The following ZC3HAV1 variants were observed in gnomAD, a reference collection of about 807,000 sequenced individuals.
ZC3HAV1 encodes the protein zinc finger CCCH-type containing, antiviral 1.
ZC3HAV1 carries 41 observed loss-of-function variants against 86.6 expected under a neutral mutation model. The ratio of observed to expected loss-of-function variants is 0.47; its 90% CI spans 0.37 to 0.61. The LOEUF is 0.61. Ranked by LOEUF, ZC3HAV1 falls within the 20% of genes least tolerant of loss-of-function variation. ZC3HAV1 has a pLI of 0.00. For missense variants in ZC3HAV1, 964 were observed against 1,141.1 expected, an observed-to-expected ratio of 0.84 and a Z score of 2.24; for synonymous variants, 421 against 432.1, an observed-to-expected ratio of 0.97 and a Z score of 0.32.
At chr7:139,102,443 T>G (rs1369382621) in intron 1 of ZC3HAV1, among the ~76,000 whole-genome samples, 1 of 152,148 alleles carries the variant, frequency 6.6e-6, no homozygotes, top group Non-Finnish European at 1.5e-5. Flanking sequence ...ATTTTAATAA[T>G]AAGAAGATCA....
chr7:139,047,509 AAACTTT>A lies in ZC3HAV1; in HGVS notation c.*79_*84del. 1 of 1,570,976 alleles carries A rather than the reference AAACTTT, an allele frequency of 6.4e-7. No homozygotes were observed. The highest frequency in any genetic ancestry group is 1.2e-5 in the South Asian group (1 of 85,088). ...TTAGATAACTGAGCAGGAAAATATA[AAACTTT>A]AACTCCTGTCTGCGGCAATTTAGTT... On this transcript the variant is annotated 3_prime_UTR_variant, in exon 13 of 13. Coordinates refer to ENST00000242351, the MANE Select transcript of ZC3HAV1 (RefSeq NM_020119.4).
intron 6 of ZC3HAV1, 142 bp downstream of exon 6, chr7:139,076,144 A>G (rs1361898438): frequency 7.2e-7 from 1 of 1,385,112 alleles, no homozygotes; most frequent in Non-Finnish European, 9.8e-7. Context: ...GGCATTTGCC[A>G]TTTTTTATCT....
chr7:139,047,624 A>G lies in ZC3HAV1; in HGVS notation c.2679T>C (p.Tyr893=), dbSNP rs951886175. ...DQVYPQYVIE[Y]TEDKACVIS is the part of the protein sequence containing the mutation. Reference sequence around the variant, plus strand: ...TAATCACGCAGGCTTTGTCTTCAGTATATTCAATCACATATTGTGGGTAAA... The same window carrying G: ...TAATCACGCAGGCTTTGTCTTCAGTGTATTCAATCACATATTGTGGGTAAA... The change falls in exon 13 of 13, where the codon TAT becomes TAC. Residue 893 remains tyrosine, a synonymous_variant. Transcript: ENST00000242351. 13 of 1,614,084 alleles carry G rather than the reference A, an allele frequency of 8.1e-6. No individual in the cohort carries two copies. The East Asian group carries it at 2.9e-4, about 36-fold the overall frequency.
Position 139,079,566 on chromosome 7 carries a change from A to G in ZC3HAV1, c.1375T>C (p.Ser459Pro). The G allele has an allele frequency of 6.2e-7, 1 of 1,614,178 alleles. No individual in the cohort carries two copies. Among genetic ancestry groups the G allele is most frequent in the Non-Finnish European group, 8.5e-7 (1 of 1,180,036 alleles). The change falls in exon 4 of 13, where the codon TCA becomes CCA. Residue 459 changes from serine to proline, a missense_variant. Transcript: ENST00000242351. Reference sequence around the variant, plus strand: ...GGTCCAGCATCCTGAATCCTAGGTGATGATATTTCTCTGTGACCGCTGCTA... The same window carrying G: ...GGTCCAGCATCCTGAATCCTAGGTGGTGATATTTCTCTGTGACCGCTGCTA... ...STSSGHREIS[S>P]PRIQDAGPAS...
rs1817710270 is a variant in ZC3HAV1, at chr7:139,100,244, A to G, written c.308+8780T>C. Among the ~76,000 whole-genome samples the G allele has an allele frequency of 3.9e-5, 6 of 152,042 alleles. No individual in the cohort carries two copies. The South Asian group carries it at 1.2e-3, about 32-fold the overall frequency. On this transcript the variant is annotated intron_variant, in intron 1 of 12. Transcript: ENST00000242351. ...AGAATATATAAAGAATTAAAACCACAATGAGGGCTGGGCGCGGTGGCTCAC... is the reference window on the plus strand; with the variant it reads ...AGAATATATAAAGAATTAAAACCACGATGAGGGCTGGGCGCGGTGGCTCAC...
chr7:139,051,609 A>G (rs34625081), intron 12 of ZC3HAV1, among the ~76,000 whole-genome samples: 1,993 of 152,254 alleles, frequency 0.013, 32 homozygotes, highest in African/African-American at 0.046. Flanking sequence ...ACAAAAAATT[A>G]GATAAGGTCT....
chr7:139,097,428 ATTTTT>A (rs11291842), intron 1 of ZC3HAV1, among the ~76,000 whole-genome samples: 5 of 48,158 alleles, frequency 1.0e-4, no homozygotes, highest in African/African-American at 3.4e-4. Context: ...ATATATATAT[ATTTTT>A]TTTTTTTTTT....
At chr7:139,053,417 T>A (rs1179089252) in intron 12 of ZC3HAV1, 34 bp downstream of exon 12, 3 of 1,537,702 alleles carry the variant, frequency 2.0e-6, no homozygotes, top group African/African-American at 2.8e-5. Flanking sequence ...GAGTTATGAC[T>A]CTACTAGTTA....
At chr7:139,047,909 T>C (rs1816008288) in intron 12 of ZC3HAV1, 56 bp from the exon 13 acceptor site, 6 of 1,555,280 alleles carry the variant, frequency 3.9e-6, no homozygotes, top group Non-Finnish European at 4.3e-6. Flanking sequence ...GTATACAGTT[T>C]ATAAGATTTG....
chr7:139,060,892 A>G (rs768619137), intron 9 of ZC3HAV1, 144 bp downstream of exon 9: 8 of 1,570,824 alleles, frequency 5.1e-6, no homozygotes, highest in South Asian at 3.4e-5. Context: ...CATCTTACTC[A>G]TCGATAATGC....
At chr7:139,056,379 G>GTT (rs56128644) in intron 9 of ZC3HAV1, among the ~76,000 whole-genome samples, 1 of 130,402 alleles carries the variant, frequency 7.7e-6, no homozygotes, top group African/African-American at 2.8e-5. Context: ...TGTTTTTATT[G>GTT]TTTTTTTTTT....
chr7:139,100,071 A>G (rs1817706121), intron 1 of ZC3HAV1, among the ~76,000 whole-genome samples: 3 of 152,054 alleles, frequency 2.0e-5, no homozygotes, highest in African/African-American at 2.4e-5. Context: ...TAAAATGGTA[A>G]AAAACAAACA....
intron 1 of ZC3HAV1, among the ~76,000 whole-genome samples, chr7:139,090,067 G>A (rs1057193272): frequency 3.3e-5 from 5 of 151,834 alleles, no homozygotes; most frequent in Non-Finnish European, 5.9e-5. Context: ...ACACAGGCAC[G>A]CACCACCACA....
At chr7:139,066,109 G>C (rs1352458861) in intron 7 of ZC3HAV1, among the ~76,000 whole-genome samples, 1 of 152,144 alleles carries the variant, frequency 6.6e-6, no homozygotes, top group African/African-American at 2.4e-5. Context: ...GGGCACACTA[G>C]AAGTACGCCC....
intron 4 of ZC3HAV1, 147 bp downstream of exon 4, chr7:139,079,323 C>CT: frequency 6.5e-7 from 1 of 1,548,456 alleles, no homozygotes; most frequent in Non-Finnish European, 8.7e-7. Flanking sequence ...CGTAACATAT[C>CT]TTTTTCTGCC....
Position 139,064,945 on chromosome 7 carries a change from G to GAT in ZC3HAV1, c.1925_1926dup (p.Gln643IlefsTer20). ...GGCACAACTCCCCTCGGACAGGATT[G>GAT]ATAGAGAGACTCCAGGTATGAAGAG... is the stretch of plus-strand genomic sequence containing the variant. On this transcript the variant is annotated frameshift_variant, in exon 8 of 13. Transcript: ENST00000242351. LOFTEE classifies it high-confidence loss of function. 6.2e-7 allele frequency: 1 copy of GAT among 1,614,222 alleles called. No individual in the cohort carries two copies. Among genetic ancestry groups the GAT allele is most frequent in the Non-Finnish European group, 8.5e-7 (1 of 1,180,044 alleles).
Position 139,109,116 on chromosome 7 carries a change from G to C in ZC3HAV1, c.216C>G (p.Val72=). 6.3e-7 allele frequency: 1 copy of C among 1,592,620 alleles called. No individual in the cohort carries two copies. The highest frequency in any genetic ancestry group is 8.6e-7 in the Non-Finnish European group (1 of 1,169,306). ...RSVVATTRAR[V]CRRKYCQRPC... The stretch of plus-strand genomic sequence containing the variant: ...GTCTCTGGCAGTACTTGCGACGGCA[G>C]ACCCGGGCTCGAGTGGTGGCCACCA... Residue 72 remains valine, a synonymous_variant, in exon 1 of 13, where the codon GTC becomes GTG. Transcript: ENST00000242351.
At chr7:139,103,604 T>C (rs1817841032) in intron 1 of ZC3HAV1, among the ~76,000 whole-genome samples, 1 of 152,298 alleles carries the variant, frequency 6.6e-6, no homozygotes, top group Admixed American at 6.5e-5. Context: ...ATGTAACAAT[T>C]CAAACCAACA....
rs191762346 is a variant in ZC3HAV1 at position 139,060,547 on chromosome 7, A to G, written c.2096+489T>C. The stretch of plus-strand genomic sequence containing the variant: ...TAGGAAAACAAAAGACACCCAAAAG[A>G]ATCCACAGCAAAGCCAGGCACGGTG... On this transcript the variant is annotated intron_variant, in intron 9 of 12. Coordinates refer to ENST00000242351, the MANE Select transcript of ZC3HAV1 (RefSeq NM_020119.4). The G allele has an allele frequency of 4.6e-5, 46 of 998,164 alleles. No individual in the cohort carries two copies. In the East Asian group the frequency reaches 3.2e-3, roughly 69 times the overall value. 61.8% of individuals were successfully genotyped at this position (998,164 alleles called of 1,614,324 possible). A position where few individuals can be genotyped will look rare whatever the true frequency, so the allele number is the denominator to read the frequency against.
Sources: allele counts gnomAD v4.1 joint callset (sites outside exome capture counted in the v4.1 genomes callset), GRCh38; gene constraint gnomAD v4.1.1; transcripts MANE v1.5; gene names NCBI Gene and HGNC (gene_info 2026-07-23, HGNC 2026-07-21).